Variants in GRIK5 observed in about 807,000 individuals in gnomAD.
GRIK5 encodes the protein glutamate receptor ionotropic, kainate 5.
In GRIK5, 43 loss-of-function variants were observed where a neutral mutation model predicts 97.4. The ratio of observed to expected loss-of-function variants is 0.44; its 90% CI spans 0.35 to 0.57. GRIK5 has a LOEUF of 0.57. GRIK5 is among the 20% of genes least tolerant of loss of function. The pLI is 0.01. For missense variants in GRIK5, 1,015 were observed against 1,382.0 expected (o/e 0.73, Z 4.21); for synonymous variants, 580 against 583.5 (o/e 0.99, Z 0.09).
intron 15 of GRIK5, among the ~76,000 whole-genome samples, chr19:42,011,486 G>C (rs2075561529): frequency 6.6e-6 from 1 of 151,086 alleles, no homozygotes; most frequent in Admixed American, 6.6e-5. Context: ...CCGGGAGGCG[G>C]AGCTTGCAGT....
intron 11 of GRIK5, among the ~76,000 whole-genome samples, chr19:42,047,574 T>C (rs1333031749): frequency 1.3e-5 from 2 of 152,088 alleles, no homozygotes; most frequent in East Asian, 3.9e-4. Flanking sequence ...GAAACCCACA[T>C]ATAAATGGAT....
chr19:42,066,699 G>C (rs187788737), intron 1 of GRIK5, among the ~76,000 whole-genome samples: 47 of 151,570 alleles, frequency 3.1e-4, no homozygotes, highest in African/African-American at 1.1e-3. Flanking sequence ...AGAGGGAAGA[G>C]ACAGGAGGAT....
In GRIK5 at chr19:42,022,504, T is replaced by C; in HGVS notation, c.1474-150A>G. The C allele has an allele frequency of 1.4e-6, 2 of 1,454,002 alleles. No homozygotes were observed. Among genetic ancestry groups the C allele is most frequent in the Non-Finnish European group, 1.8e-6 (2 of 1,106,328 alleles). The allele number at this position is 1,454,002 out of a possible 1,614,324, so 90.1% of individuals were successfully genotyped here. On this transcript the variant is annotated intron_variant, in intron 12 of 19. Coordinates refer to ENST00000593562, the MANE Select transcript of GRIK5 (RefSeq NM_002088.5). The surrounding 1 kb of genome is among the most constrained non-coding windows in gnomAD (Gnocchi z 4.2). Reference sequence around the variant, plus strand: ...GGAGGGGCCAGGAGCATGGACTGACTCCAGGAGCCCACCTTGGGCCTGAAA... The same window carrying C: ...GGAGGGGCCAGGAGCATGGACTGACCCCAGGAGCCCACCTTGGGCCTGAAA...
rs756813649 is a variant in GRIK5, at chr19:42,042,718, G to A, written c.1307C>T (p.Ala436Val). ...PYVMRRPNFQ[A>V]LSGNERFEGF... Reference sequence around the variant, plus strand: ...CTCGAAGCGTTCGTTCCCCGACAGGGCCTGGAAGTTGGGCCGGCGCATGAC... The same window carrying A: ...CTCGAAGCGTTCGTTCCCCGACAGGACCTGGAAGTTGGGCCGGCGCATGAC... Residue 436 changes from alanine to valine, a missense_variant, in exon 12 of 20, where the codon GCC becomes GTC. Coordinates refer to ENST00000593562, the MANE Select transcript of GRIK5 (RefSeq NM_002088.5). This position sits in a 1 kb window ranked among gnomAD's most constrained non-coding sequence, Gnocchi z 6.9. The A allele has an allele frequency of 1.7e-5, 27 of 1,613,722 alleles. No individual in the cohort carries two copies. Among genetic ancestry groups the A allele is most frequent in the Non-Finnish European group, 2.3e-5 (27 of 1,180,000 alleles).
rs1446292200 is a variant in GRIK5, at chr19:42,003,954, C to T, written c.2264-271G>A. ...GCTCCTCCCCTCGGCCACTCTCAGA[C>T]ACCCTCACCCCCACGGCTCTCAGCT... On this transcript the variant is annotated intron_variant, in intron 17 of 19. Transcript: ENST00000593562. This position sits in a 1 kb window ranked among gnomAD's most constrained non-coding sequence, Gnocchi z 4.2. Among the ~76,000 whole-genome samples, 2 of 152,150 alleles carry T rather than the reference C, an allele frequency of 1.3e-5. No homozygotes were observed. The highest frequency in any genetic ancestry group is 4.8e-5 in the African/African-American group (2 of 41,410).
chr19:42,027,518 C>T (rs1291289334), intron 12 of GRIK5, among the ~76,000 whole-genome samples: 1 of 152,200 alleles, frequency 6.6e-6, no homozygotes, highest in African/African-American at 2.4e-5. Flanking sequence ...CTGGATTCTG[C>T]ACCTTGGGCA....
chr19:42,032,286 T>G (rs1434199314), intron 12 of GRIK5, among the ~76,000 whole-genome samples: 1 of 152,230 alleles, frequency 6.6e-6, no homozygotes, highest in Non-Finnish European at 1.5e-5. Context: ...GATATTATAT[T>G]TGGCCTTTGA....
rs778101970 is a variant in GRIK5 at position 42,053,729 on chromosome 19, C to T, written c.1162-20G>A. 1.9e-6 allele frequency: 3 copies of T among 1,571,240 alleles called. No individual in the cohort carries two copies. The highest frequency in any genetic ancestry group is 1.7e-5 in the Admixed American group (1 of 59,974). ...CCCAATCTAGGGGGCAGAGAGGGTG[C>T]TGTCAGCTCAGGCCCTGCCTGAGGT... On this transcript the variant is annotated intron_variant, in intron 10 of 19. Transcript: ENST00000593562.
Position 42,059,353 on chromosome 19 carries a change from C to T in GRIK5, c.683G>A (p.Arg228His), listed in dbSNP as rs774716746. The T allele has an allele frequency of 1.3e-5, 21 of 1,611,896 alleles. No individual in the cohort carries two copies. The highest frequency in any genetic ancestry group is 1.6e-4 in the Middle Eastern group (1 of 6,076). The change falls in exon 6 of 20, where the codon CGT becomes CAT. Residue 228 changes from arginine (R) to histidine (H), a missense_variant. By Grantham distance (29) the Arg-to-His change is conservative. Around this residue, in one of 5 missense-constraint regions of GRIK5, gnomAD observed 477 missense variants for 701.1 expected, o/e 0.68. Transcript: ENST00000593562. ...AATCAGAGGTAGGGGCCTCACCTTA[C>T]GGAGGATGAGGTGGGAGATGGAGGC... ...ANASISHLIL[R>H]KASELGMTSA...
Position 42,022,791 on chromosome 19 carries a change from G to A in GRIK5, c.1474-437C>T, listed in dbSNP as rs531658615. 7.3e-4 allele frequency: 282 copies of A among 388,652 alleles called. 1 individual carries two copies. Among genetic ancestry groups the A allele is most frequent in the African/African-American group, 5.9e-3 (270 of 45,822 alleles). The allele number at this position is 388,652 out of a possible 1,614,324, so 24.1% of individuals were successfully genotyped here. On this transcript the variant is annotated intron_variant, in intron 12 of 19. Transcript: ENST00000593562. This position sits in a 1 kb window ranked among gnomAD's most constrained non-coding sequence, Gnocchi z 4.2. ...GGAGGCAGGGCCCAGAAATGACCCC[G>A]GGTGGGGAGGAAGGGTGCAGGTCAG...
In GRIK5 at chr19:42,015,127, C is replaced by T. The variant is rs150140092; in HGVS notation, c.1871+6174G>A. 2.0e-3 allele frequency among the ~76,000 whole-genome samples: 299 copies of T among 152,184 alleles called. 1 individual carries two copies. The highest frequency in any genetic ancestry group is 6.4e-3 in the African/African-American group (264 of 41,504). ...GACATAAGAGTCCTAAACATTTGTGCGCCTAATTACAAAGCTTCAACATGC... is the reference window on the plus strand; with the variant it reads ...GACATAAGAGTCCTAAACATTTGTGTGCCTAATTACAAAGCTTCAACATGC... On this transcript the variant is annotated intron_variant, in intron 15 of 19. Transcript: ENST00000593562.
chr19:42,065,059 G>C lies in GRIK5; in HGVS notation c.244+164C>G, dbSNP rs954548815. Among the ~76,000 whole-genome samples the C allele has an allele frequency of 6.6e-6, 1 of 152,212 alleles. No homozygotes were observed. The highest frequency in any genetic ancestry group is 1.5e-5 in the Non-Finnish European group (1 of 68,026). ...GCTCTCCCTCCTCTCCAACCCCCAG[G>C]CCCAGCAGCAGCCATGTCTGGGAAG... On this transcript the variant is annotated intron_variant, in intron 3 of 19. Transcript: ENST00000593562. This position sits in a 1 kb window ranked among gnomAD's most constrained non-coding sequence, Gnocchi z 5.8.
intron 1 of GRIK5, among the ~76,000 whole-genome samples, chr19:42,067,867 GC>G: frequency 6.6e-6 from 1 of 152,186 alleles, no homozygotes; most frequent in Non-Finnish European, 1.5e-5. Context: ...CCAGGACTCA[GC>G]CCCAGAGACT....
rs930970378 is a variant in GRIK5, at chr19:42,002,572, G to A, written c.2514+760C>T. On this transcript the variant is annotated intron_variant, in intron 19 of 19. Coordinates refer to ENST00000593562, the MANE Select transcript of GRIK5 (RefSeq NM_002088.5). The surrounding 1 kb of genome is among the most constrained non-coding windows in gnomAD (Gnocchi z 5.2). ...CTGGGGAGTAGATGTAAGGTCAGCC[G>A]CTGGATGTGAGGAGGGGGAGGAAGG... 4.6e-6 allele frequency: 3 copies of A among 653,908 alleles called. No individual in the cohort carries two copies. In the South Asian group the frequency reaches 5.3e-5, roughly 12 times the overall value. 40.5% of individuals were successfully genotyped at this position (653,908 alleles called of 1,614,324 possible).
rs931630193 is a variant in GRIK5 at position 42,006,084 on chromosome 19, G to T, written c.2038-136C>A. On this transcript the variant is annotated intron_variant, in intron 16 of 19. Transcript: ENST00000593562. This position sits in a 1 kb window ranked among gnomAD's most constrained non-coding sequence, Gnocchi z 5.3. ...TGATCAAAGGAAGACAGAGCCAAAG[G>T]TAGAGGAGAGAGAGGAGATGGACAA... 12 of 643,238 alleles carry T rather than the reference G, an allele frequency of 1.9e-5. No individual in the cohort carries two copies. The highest frequency in any genetic ancestry group is 3.4e-5 in the Non-Finnish European group (12 of 351,812). The allele number at this position is 643,238 out of a possible 1,614,324, so 39.8% of individuals were successfully genotyped here. A position where few individuals can be genotyped will look rare whatever the true frequency, so the allele number is the denominator to read the frequency against.
At chr19:42,020,160 G>A (rs1005673870) in intron 15 of GRIK5, among the ~76,000 whole-genome samples, 4 of 152,014 alleles carry the variant, frequency 2.6e-5, no homozygotes, top group East Asian at 1.9e-4. Flanking sequence ...ATCAAGACTC[G>A]CAAGTGTCCA....
intron 12 of GRIK5, among the ~76,000 whole-genome samples, chr19:42,029,659 T>C (rs1265625238): frequency 6.6e-6 from 1 of 152,156 alleles, no homozygotes; most frequent in African/African-American, 2.4e-5. Context: ...AGCATTCCTA[T>C]TTGCCATCAA....
intron 17 of GRIK5, among the ~76,000 whole-genome samples, chr19:42,004,229 G>A (rs1479241562): frequency 6.6e-6 from 1 of 152,122 alleles, no homozygotes; most frequent in Non-Finnish European, 1.5e-5. Context: ...ATATGGCTAT[G>A]TGTTTATCAT....
intron 12 of GRIK5, among the ~76,000 whole-genome samples, chr19:42,030,328 C>A (rs1362005100): frequency 6.6e-6 from 1 of 152,022 alleles, no homozygotes; most frequent in Non-Finnish European, 1.5e-5. Flanking sequence ...ATTAAAGGTG[C>A]GTGCCGCTGA....
Sources: gnomAD v4.1 joint callset for allele counts (sites outside exome capture counted in the v4.1 genomes callset) on GRCh38, gnomAD v4.1.1 for gene constraint, gnomAD v4.1.1 regional missense constraint, Gnocchi (gnomAD v3.1) non-coding constraint, MANE v1.5 for transcripts, NCBI Gene and HGNC (gene_info 2026-07-23, HGNC 2026-07-21) for gene names.